The following DHX33 variants were observed in gnomAD, a reference collection of about 807,000 sequenced individuals.
DHX33 encodes the protein ATP-dependent RNA helicase DHX33.
In DHX33, 42 loss-of-function variants were observed where a neutral mutation model predicts 72.5. The observed-to-expected ratio is 0.58, with a 90% CI of 0.45 to 0.75. DHX33 has a LOEUF of 0.75. DHX33 is among the 30% of genes least tolerant of loss of function. The pLI, the probability that DHX33 is intolerant of heterozygous loss-of-function variation, is 0.00. For missense variants in DHX33, 842 were observed against 917.5 expected (o/e 0.92, Z 1.06); for synonymous variants, 358 against 366.1 (o/e 0.98, Z 0.25).
At chr17:5,467,051 A>G (rs1340343265) in intron 1 of DHX33, among the ~76,000 whole-genome samples, 6 of 152,198 alleles carry the variant, frequency 3.9e-5, no homozygotes, top group Non-Finnish European at 8.8e-5. Flanking sequence ...TTCTATATCA[A>G]CCAATCGGGC....
intron 8 of DHX33, among the ~76,000 whole-genome samples, chr17:5,452,463 C>A (rs1340185065): frequency 1.3e-5 from 2 of 152,192 alleles, no homozygotes; most frequent in African/African-American, 4.8e-5. Flanking sequence ...TCACCTGAAC[C>A]CGGCAGGTGG....
rs1484790673 is a variant in DHX33, at chr17:5,455,966, T to C, written c.1035+31A>G. The C allele has an allele frequency of 3.1e-6, 5 of 1,597,902 alleles. No individual in the cohort carries two copies. The East Asian group carries it at 6.8e-5, about 22-fold the overall frequency. On this transcript the variant is annotated intron_variant, in intron 5 of 11. Coordinates refer to ENST00000225296, the MANE Select transcript of DHX33 (RefSeq NM_020162.4). ...GGTGGATCCGTCTGGGTGCCCAGAA[T>C]AGGGCTGGACAGAAGAGGTGGTGCA...
intron 1 of DHX33, among the ~76,000 whole-genome samples, chr17:5,465,492 T>C (rs750492176): frequency 2.6e-5 from 4 of 152,240 alleles, no homozygotes; most frequent in Admixed American, 6.5e-5. Flanking sequence ...TTGGATTCTT[T>C]CAAGTTTTGT....
At chr17:5,447,372 AG>A (rs1224213641) in intron 11 of DHX33, among the ~76,000 whole-genome samples, 7 of 151,664 alleles carry the variant, frequency 4.6e-5, no homozygotes, top group African/African-American at 1.7e-4. Flanking sequence ...ACAAAAAATT[AG>A]GCCGGGCGTG....
intron 10 of DHX33, among the ~76,000 whole-genome samples, chr17:5,449,883 T>C (rs1916816312): frequency 6.6e-6 from 1 of 152,198 alleles, no homozygotes; most frequent in Non-Finnish European, 1.5e-5. Flanking sequence ...AGCATGGGGC[T>C]TGGCACAGAG....
In DHX33 at chr17:5,456,113, T is replaced by C; in HGVS notation, c.919A>G (p.Thr307Ala). ...AGGTGCTTTGCAATGTCTCGGCACGTCTTGCTCATGGCTTCGATCTCCTCC... is the reference window on the plus strand; with the variant it reads ...AGGTGCTTTGCAATGTCTCGGCACGCCTTGCTCATGGCTTCGATCTCCTCC... ...GQEEIEAMSK[T>A]CRDIAKHLPD... is the part of the protein sequence containing the mutation. Residue 307 changes from threonine (T) to alanine (A), a missense_variant, in exon 5 of 12, where the codon ACG (threonine) becomes GCG (alanine). Transcript: ENST00000225296. 1 of 1,614,078 alleles carries C rather than the reference T, an allele frequency of 6.2e-7. No individual in the cohort carries two copies. Among genetic ancestry groups the C allele is most frequent in the Non-Finnish European group, 8.5e-7 (1 of 1,180,032 alleles).
rs111234916 is a variant in DHX33, at chr17:5,462,303, G to A, written c.678+16C>T. On this transcript the variant is annotated intron_variant, in intron 3 of 11. Transcript: ENST00000225296. ...GGAAGTTTCCCTCATACTTTCAGGGGAAGTTTCCCTCATACTTTCAGAGGA... is the reference window on the plus strand; with the variant it reads ...GGAAGTTTCCCTCATACTTTCAGGGAAAGTTTCCCTCATACTTTCAGAGGA... The A allele has an allele frequency of 0.013, 20,861 of 1,608,760 alleles. 169 individuals carry two copies. The highest frequency in any genetic ancestry group is 0.018 in the Middle Eastern group (106 of 6,042).
intron 8 of DHX33, among the ~76,000 whole-genome samples, chr17:5,453,232 A>G (rs1917027506): frequency 6.6e-6 from 1 of 152,148 alleles, no homozygotes; most frequent in Non-Finnish European, 1.5e-5. Flanking sequence ...TACAGAATCT[A>G]TCGTTTCATA....
In DHX33 at chr17:5,468,730, CTCT is replaced by C; in HGVS notation, c.127_129del (p.Arg43del). ...TGCTGCCTCCGGCCTCCTCCTCCTC[CTCT>C]GCCGCCGCTGCCCGCAGTCAGCAGC... On this transcript the variant is annotated inframe_deletion, in exon 1 of 12. Transcript: ENST00000225296. 1 of 1,610,830 alleles carries C rather than the reference CTCT, an allele frequency of 6.2e-7. No individual in the cohort carries two copies. Among genetic ancestry groups the C allele is most frequent in the Non-Finnish European group, 8.5e-7 (1 of 1,179,024 alleles).
intron 11 of DHX33, among the ~76,000 whole-genome samples, chr17:5,448,103 C>T (rs1342759451): frequency 3.3e-5 from 5 of 152,080 alleles, no homozygotes; most frequent in African/African-American, 9.7e-5. Context: ...CACCTGAACT[C>T]GGGAGGCAGA....
At chr17:5,463,940 C>A (rs1488924385) in intron 1 of DHX33, among the ~76,000 whole-genome samples, 1 of 151,848 alleles carries the variant, frequency 6.6e-6, no homozygotes, top group African/African-American at 2.4e-5. Context: ...ATCATGAGGC[C>A]CAGGAGTTCA....
In DHX33 at chr17:5,462,724, C is replaced by T. The variant is rs1040882740; in HGVS notation, c.451-178G>A. On this transcript the variant is annotated intron_variant, in intron 2 of 11. Coordinates refer to ENST00000225296, the MANE Select transcript of DHX33 (RefSeq NM_020162.4). ...AGACAATGGTCAAGTTTACTTTAAC[C>T]GCAATTAATGTAACTATTACAAGGA... 4.6e-5 allele frequency among the ~76,000 whole-genome samples: 7 copies of T among 152,118 alleles called. No homozygotes were observed. In the South Asian group the frequency reaches 1.5e-3, roughly 32 times the overall value.
chr17:5,446,187 C>G (rs1023365014), intron 11 of DHX33, among the ~76,000 whole-genome samples: 13 of 152,192 alleles, frequency 8.5e-5, no homozygotes, highest in African/African-American at 3.1e-4. Flanking sequence ...GTTGGTCAGG[C>G]TGATTTCGAA....
At chr17:5,465,266 CCT>C (rs1166166251) in intron 1 of DHX33, among the ~76,000 whole-genome samples, 1 of 152,096 alleles carries the variant, frequency 6.6e-6, no homozygotes, top group Non-Finnish European at 1.5e-5. Flanking sequence ...GGTTTTTTTC[CCT>C]GTCAGTCTGT....
chr17:5,465,844 T>C (rs969052582), intron 1 of DHX33, among the ~76,000 whole-genome samples: 1 of 152,198 alleles, frequency 6.6e-6, no homozygotes, highest in Non-Finnish European at 1.5e-5. Context: ...TGAACCTGTC[T>C]CACAGAAGTG....
At chr17:5,463,918 T>C (rs747335837) in intron 1 of DHX33, among the ~76,000 whole-genome samples, 59 of 151,868 alleles carry the variant, frequency 3.9e-4, no homozygotes, top group Non-Finnish European at 7.5e-4. Flanking sequence ...CTAGGGAGGC[T>C]GAGACAGAAG....
At position 5,444,541 on chromosome 17, in the gene DHX33, G is replaced by A. The variant is rs750160703; in HGVS notation, c.1816-28C>T. 3.7e-6 allele frequency: 6 copies of A among 1,602,374 alleles called. No homozygotes were observed. Among genetic ancestry groups the A allele is most frequent in the Non-Finnish European group, 5.1e-6 (6 of 1,174,258 alleles). On this transcript the variant is annotated intron_variant, in intron 11 of 11. Coordinates refer to ENST00000225296, the MANE Select transcript of DHX33 (RefSeq NM_020162.4). This position sits in a 1 kb window ranked among gnomAD's most constrained non-coding sequence, Gnocchi z 4.9. ...GTTTCGGGAGAAAGCGAGGAATGGA[G>A]CCGACCCCACACGTAAACACTGGTC...
At chr17:5,446,670 G>T (rs1176526904) in intron 11 of DHX33, among the ~76,000 whole-genome samples, 1 of 152,146 alleles carries the variant, frequency 6.6e-6, no homozygotes, top group East Asian at 1.9e-4. Flanking sequence ...ATGTACGTCA[G>T]GTCACCATCT....
At chr17:5,455,065 C>G in intron 6 of DHX33, 95 bp downstream of exon 6, 2 of 1,162,854 alleles carry the variant, frequency 1.7e-6, no homozygotes, top group Non-Finnish European at 2.5e-6. Flanking sequence ...TTGTTAGTTA[C>G]AAACATGAAA....
Sources: gnomAD v4.1 joint callset for allele counts (sites outside exome capture counted in the v4.1 genomes callset) on GRCh38, gnomAD v4.1.1 for gene constraint, Gnocchi (gnomAD v3.1) non-coding constraint, MANE v1.5 for transcripts, NCBI Gene and HGNC (gene_info 2026-07-23, HGNC 2026-07-21) for gene names.